TGFBRAP1: variants seen among roughly 807,000 people sequenced by gnomAD.
The protein encoded by TGFBRAP1 is transforming growth factor-beta receptor-associated protein 1.
Under a neutral mutation model 83.2 loss-of-function variants are expected in TGFBRAP1, and 20 were observed. That is an observed-to-expected ratio of 0.24 (90% CI 0.17 to 0.35). The LOEUF (loss-of-function observed/expected upper bound fraction) is 0.35, where lower values mean the gene tolerates loss of function less well. TGFBRAP1 is among the 10% of genes least tolerant of loss of function. The pLI, the probability that TGFBRAP1 is intolerant of heterozygous loss-of-function variation, is 1.00. For missense variants in TGFBRAP1, 950 were observed against 1,099.4 expected (o/e 0.86, Z 1.92); for synonymous variants, 415 against 459.8 (o/e 0.90, Z 1.25).
intron 2 of TGFBRAP1, among the ~76,000 whole-genome samples, chr2:105,301,415 T>C (rs1167500332): frequency 6.6e-6 from 1 of 151,608 alleles, no homozygotes; most frequent in African/African-American, 2.4e-5. Flanking sequence ...TGAAACCCTG[T>C]CTCTACAAAA....
intron 6 of TGFBRAP1, among the ~76,000 whole-genome samples, chr2:105,279,460 T>TTTA (rs1677455471): frequency 6.6e-6 from 1 of 151,814 alleles, no homozygotes; most frequent in Non-Finnish European, 1.5e-5. Context: ...AAGATCTTAC[T>TTTA]GTGTTGCCCA....
intron 4 of TGFBRAP1, among the ~76,000 whole-genome samples, chr2:105,293,746 C>T (rs185542218): frequency 4.6e-5 from 7 of 152,248 alleles, no homozygotes; most frequent in East Asian, 1.9e-4. Context: ...ACAAAAACCC[C>T]GTGCTGCCAA....
At chr2:105,277,469 A>G (rs1222657459) in intron 7 of TGFBRAP1, 145 bp downstream of exon 7, 1 of 695,446 alleles carries the variant, frequency 1.4e-6, no homozygotes, top group Non-Finnish European at 2.4e-6. Context: ...TCACTTTCTA[A>G]AACAGAATCA....
chr2:105,310,844 GATTA>G (rs1678666187), intron 1 of TGFBRAP1, among the ~76,000 whole-genome samples: 1 of 152,106 alleles, frequency 6.6e-6, no homozygotes, highest in South Asian at 2.1e-4. Flanking sequence ...TTCCTTCATT[GATTA>G]ATCAATCAGG....
At chr2:105,263,694 A>G (rs187392599), downstream of TGFBRAP1, among the ~76,000 whole-genome samples, 978 of 152,278 alleles carry the variant, frequency 6.4e-3, 38 homozygotes, top group Admixed American at 0.045. Flanking sequence ...CCTGGCCAAC[A>G]TGGTGAAACT....
chr2:105,322,902 G>A (rs1159866732), intron 1 of TGFBRAP1, among the ~76,000 whole-genome samples: 2 of 152,138 alleles, frequency 1.3e-5, no homozygotes, highest in East Asian at 1.9e-4. Context: ...GATCCTAACA[G>A]CCTTTGAGAC....
At chr2:105,287,503 G>A (rs944440819) in intron 4 of TGFBRAP1, among the ~76,000 whole-genome samples, 1 of 152,154 alleles carries the variant, frequency 6.6e-6, no homozygotes, top group African/African-American at 2.4e-5. Flanking sequence ...TCTAAAATCA[G>A]AATGTGTGGG....
At chr2:105,301,897 T>C (rs542044772) in intron 2 of TGFBRAP1, among the ~76,000 whole-genome samples, 1 of 151,470 alleles carries the variant, frequency 6.6e-6, no homozygotes, top group African/African-American at 2.4e-5. Flanking sequence ...CCACCACACC[T>C]GGTGAGATCA....
At chr2:105,276,665 C>T (rs1677360794) in intron 7 of TGFBRAP1, among the ~76,000 whole-genome samples, 1 of 152,170 alleles carries the variant, frequency 6.6e-6, no homozygotes, top group South Asian at 2.1e-4. Flanking sequence ...TATTACTATA[C>T]TTATATAAAG....
intron 11 of TGFBRAP1, chr2:105,268,016 C>T (rs1215124455): frequency 2.2e-6 from 1 of 445,184 alleles, no homozygotes; most frequent in Non-Finnish European, 3.0e-6. Flanking sequence ...TGGCATATTC[C>T]TGGTTGGTCC....
intron 1 of TGFBRAP1, 122 bp from the exon 2 acceptor site, chr2:105,308,440 T>C (rs1678594190): frequency 3.8e-6 from 4 of 1,065,528 alleles, no homozygotes; most frequent in Non-Finnish European, 3.9e-6. Flanking sequence ...TTCCACGCTA[T>C]CAAAAAATGG....
chr2:105,262,944 C>A (rs1282054479), downstream of TGFBRAP1, among the ~76,000 whole-genome samples: 3 of 152,196 alleles, frequency 2.0e-5, no homozygotes, highest in African/African-American at 7.2e-5. Flanking sequence ...GATTCTTGTA[C>A]AATTTCGTTT....
chr2:105,259,982 A>C (rs138520877), downstream of TGFBRAP1, among the ~76,000 whole-genome samples: 331 of 152,346 alleles, frequency 2.2e-3, 1 homozygote, highest in Non-Finnish European at 3.9e-3. Context: ...ATATTTTTCT[A>C]TGTTGATATG....
rs1278110115 is a variant in TGFBRAP1 at position 105,269,751 on chromosome 2, C to T, written c.1973-46G>A. The T allele has an allele frequency of 2.1e-6, 3 of 1,452,442 alleles. No homozygotes were observed. The highest frequency in any genetic ancestry group is 2.7e-6 in the Non-Finnish European group (3 of 1,105,568). The allele number at this position is 1,452,442 out of a possible 1,614,324, so 90.0% of individuals were successfully genotyped here. A position where few individuals can be genotyped will look rare whatever the true frequency, so the allele number is the denominator to read the frequency against. Reference sequence around the variant, plus strand: ...CTCAGAAAGAAAGGGGCTCGCCGGCCACCCGCCCAGCGACTGGCCTCCTTG... The same window carrying T: ...CTCAGAAAGAAAGGGGCTCGCCGGCTACCCGCCCAGCGACTGGCCTCCTTG... On this transcript the variant is annotated intron_variant, in intron 10 of 11. Coordinates refer to ENST00000393359, the MANE Select transcript of TGFBRAP1 (RefSeq NM_004257.6). The surrounding 1 kb of genome is among the most constrained non-coding windows in gnomAD (Gnocchi z 4.1).
At chr2:105,270,097 A>C (rs1236882666) in intron 10 of TGFBRAP1, among the ~76,000 whole-genome samples, 1 of 152,188 alleles carries the variant, frequency 6.6e-6, no homozygotes, top group African/African-American at 2.4e-5. Flanking sequence ...CTAAAATAGA[A>C]GGACACTATG....
At chr2:105,249,413 G>A in the TGFBRAP1 span, 2 of 150,180 alleles carry the variant, frequency 1.3e-5, no homozygotes, top group Non-Finnish European at 2.9e-5. Context: ...ATTTCACAAA[G>A]AGCCTTTGTT....
chr2:105,288,684 T>A (rs920759396), intron 4 of TGFBRAP1, among the ~76,000 whole-genome samples: 15 of 152,236 alleles, frequency 9.9e-5, no homozygotes, highest in Non-Finnish European at 4.4e-5. Flanking sequence ...ACCCCTTTTT[T>A]TAACTTATTA....
At position 105,272,958 on chromosome 2, in the gene TGFBRAP1, C is replaced by G; in HGVS notation, c.1869G>C (p.Gln623His). 2 of 1,613,538 alleles carry G rather than the reference C, an allele frequency of 1.2e-6. No homozygotes were observed. Among genetic ancestry groups the G allele is most frequent in the Non-Finnish European group, 1.7e-6 (2 of 1,180,022 alleles). Residue 623 changes from glutamine (Q) to histidine (H), a missense_variant, in exon 10 of 12, where the codon CAG becomes CAC. Physicochemically the swap from Gln to His is conservative, Grantham distance 24 (BLOSUM62 0). Transcript: ENST00000393359. ...AVLYLEEVLL[Q>H]RASASGKGAE... ...CACCCTTGCCACTGGCGGAGGCCCT[C>G]TGCAGCAGCACCTCTTCCAGGTACA...
chr2:105,288,746 T>C (rs1012110472), intron 4 of TGFBRAP1, among the ~76,000 whole-genome samples: 2 of 152,162 alleles, frequency 1.3e-5, no homozygotes, highest in Non-Finnish European at 2.9e-5. Context: ...CGAAATATAT[T>C]AGGTGGAACA....
Sources: allele counts gnomAD v4.1 joint callset (sites outside exome capture counted in the v4.1 genomes callset), GRCh38; gene constraint gnomAD v4.1.1; non-coding constraint Gnocchi (gnomAD v3.1); transcripts MANE v1.5; gene names NCBI Gene and HGNC (gene_info 2026-07-23, HGNC 2026-07-21).